The following NOL4 variants were observed in gnomAD, a reference collection of about 807,000 sequenced individuals.
NOL4 encodes cancer/testis antigen 125.
NOL4 carries 17 observed loss-of-function variants against 75.9 expected under a neutral mutation model. That is an observed-to-expected ratio of 0.22 (90% CI 0.15 to 0.34). The LOEUF is 0.34. NOL4 is among the 10% of genes least tolerant of loss of function. The pLI, the probability that NOL4 is intolerant of heterozygous loss-of-function variation, is 1.00. For missense variants in NOL4, 614 were observed against 793.5 expected (o/e 0.77, Z 2.72); for synonymous variants, 292 against 289.9 (o/e 1.01, Z -0.07).
chr18:33,878,638 G>A (rs1309030583), intron 10 of NOL4, among the ~76,000 whole-genome samples: 1 of 151,990 alleles, frequency 6.6e-6, no homozygotes, highest in African/African-American at 2.4e-5. Context: ...GACTAATAAT[G>A]TAATTTCTCC....
rs1227648499 is a variant in NOL4, at chr18:34,083,102, CTT to C, written c.772+10361_772+10362del. Among the ~76,000 whole-genome samples, 4 of 150,868 alleles carry C rather than the reference CTT, an allele frequency of 2.7e-5. No individual in the cohort carries two copies. The South Asian group carries it at 8.3e-4, about 31-fold the overall frequency. On this transcript the variant is annotated intron_variant, in intron 5 of 10. Transcript: ENST00000261592. ...GCTAAATTTTGCTCTCTCTCTCTGT[CTT>C]TATATATACACATACCCATACATAT...
chr18:33,992,709 G>C (rs527808265), intron 6 of NOL4, among the ~76,000 whole-genome samples: 169 of 152,086 alleles, frequency 1.1e-3, no homozygotes, highest in Non-Finnish European at 2.1e-3. Context: ...CTAAAGCCAA[G>C]TTCTAGGTAA....
intron 5 of NOL4, among the ~76,000 whole-genome samples, chr18:34,090,442 A>C (rs2078457008): frequency 6.6e-6 from 1 of 152,144 alleles, no homozygotes; most frequent in African/African-American, 2.4e-5. Flanking sequence ...AGGTAAGGGG[A>C]GATAGTCCTG....
At chr18:34,188,424 A>G (rs181299918) in intron 1 of NOL4, among the ~76,000 whole-genome samples, 32 of 152,340 alleles carry the variant, frequency 2.1e-4, no homozygotes, top group Admixed American at 2.0e-3. Context: ...CTATGTCCCA[A>G]TAAACCCATT....
At chr18:34,172,143 A>G (rs1332852300) in intron 1 of NOL4, among the ~76,000 whole-genome samples, 1 of 152,156 alleles carries the variant, frequency 6.6e-6, no homozygotes, top group Admixed American at 6.6e-5. Context: ...ACATAAACGT[A>G]AAAGCTTTAA....
intron 1 of NOL4, among the ~76,000 whole-genome samples, chr18:34,177,489 G>A (rs2146307001): frequency 6.6e-6 from 1 of 151,994 alleles, no homozygotes; most frequent in South Asian, 2.1e-4. Context: ...AACAAATCTA[G>A]CTGATATGGT....
intron 1 of NOL4, among the ~76,000 whole-genome samples, chr18:34,197,076 T>C (rs1055620822): frequency 1.4e-5 from 2 of 146,814 alleles, no homozygotes; most frequent in African/African-American, 5.0e-5. Context: ...AGAAAATTAT[T>C]TGTGCATGAG....
At chr18:34,142,550 A>C (rs2081215886) in intron 1 of NOL4, among the ~76,000 whole-genome samples, 1 of 152,190 alleles carries the variant, frequency 6.6e-6, no homozygotes, top group Non-Finnish European at 1.5e-5. Context: ...ATGAAGCTGG[A>C]AACCATCATT....
At chr18:33,962,164 G>T (rs1360352309) in intron 6 of NOL4, among the ~76,000 whole-genome samples, 2 of 152,214 alleles carry the variant, frequency 1.3e-5, no homozygotes, top group South Asian at 2.1e-4. Flanking sequence ...TGTGCATCTA[G>T]ATCTCACTAT....
At chr18:34,164,565 G>A (rs913239296) in intron 1 of NOL4, among the ~76,000 whole-genome samples, 3 of 152,118 alleles carry the variant, frequency 2.0e-5, no homozygotes, top group African/African-American at 7.2e-5. Context: ...CATTTAGAAT[G>A]GCAATCATTA....
intron 1 of NOL4, among the ~76,000 whole-genome samples, chr18:34,189,150 G>A (rs187415959): frequency 3.6e-4 from 55 of 152,300 alleles, no homozygotes; most frequent in Middle Eastern, 6.8e-3. Flanking sequence ...TCTGGCCAGC[G>A]TTGGATTAGG....
At chr18:33,967,977 T>A (rs1470719517) in intron 6 of NOL4, among the ~76,000 whole-genome samples, 2 of 151,924 alleles carry the variant, frequency 1.3e-5, no homozygotes, top group East Asian at 1.9e-4. Context: ...TCCCAGCTAC[T>A]TGGGGGGCTG....
At chr18:33,938,748 T>A (rs2068249360) in intron 9 of NOL4, among the ~76,000 whole-genome samples, 3 of 152,194 alleles carry the variant, frequency 2.0e-5, no homozygotes, top group African/African-American at 7.2e-5. Context: ...CTGATGATAG[T>A]TTCTTTGGCT....
chr18:33,991,375 T>G (rs1243990984), intron 6 of NOL4, among the ~76,000 whole-genome samples: 1 of 152,116 alleles, frequency 6.6e-6, no homozygotes, highest in African/African-American at 2.4e-5. Context: ...CTTCAAAATA[T>G]AATGGTAGAA....
intron 1 of NOL4, among the ~76,000 whole-genome samples, chr18:34,152,194 A>G (rs1273819328): frequency 2.0e-5 from 3 of 151,930 alleles, no homozygotes; most frequent in Non-Finnish European, 2.9e-5. Flanking sequence ...TAAAACAACT[A>G]GAAAGAATGA....
intron 6 of NOL4, among the ~76,000 whole-genome samples, chr18:33,973,860 A>G (rs1383214082): frequency 1.3e-5 from 2 of 152,190 alleles, no homozygotes; most frequent in Non-Finnish European, 2.9e-5. Context: ...GAGCACAGGC[A>G]GTGTAGATTT....
At chr18:33,990,126 A>C (rs2072806469) in intron 6 of NOL4, among the ~76,000 whole-genome samples, 1 of 152,096 alleles carries the variant, frequency 6.6e-6, no homozygotes, top group Non-Finnish European at 1.5e-5. Context: ...ATGATGAAAA[A>C]TCAAATAAGG....
chr18:33,894,926 T>C, intron 9 of NOL4, among the ~76,000 whole-genome samples: 1 of 152,232 alleles, frequency 6.6e-6, no homozygotes, highest in East Asian at 1.9e-4. Flanking sequence ...AGGATGACTG[T>C]AGTCAATAAT....
intron 6 of NOL4, among the ~76,000 whole-genome samples, chr18:33,964,600 T>C (rs1600079956): frequency 6.6e-6 from 1 of 152,162 alleles, no homozygotes; most frequent in South Asian, 2.1e-4. Flanking sequence ...GTTCTCAAAA[T>C]GTGCTGGTTG....
Sources: allele counts gnomAD v4.1 joint callset (sites outside exome capture counted in the v4.1 genomes callset), GRCh38; gene constraint gnomAD v4.1.1; transcripts MANE v1.5; gene names NCBI Gene and HGNC (gene_info 2026-07-23, HGNC 2026-07-21).